The following DPP4 variants were observed in gnomAD, a reference collection of about 807,000 sequenced individuals.
DPP4 encodes the protein ADCP-2.
A neutral mutation model predicts 122.4 loss-of-function variants in DPP4; 93 were observed. The observed-to-expected ratio is 0.76, with a 90% CI of 0.64 to 0.90. The LOEUF (loss-of-function observed/expected upper bound fraction) is 0.90, where lower values mean the gene tolerates loss of function less well. Among genes scored for constraint, DPP4 ranks in the 40% least tolerant of loss-of-function variants. The pLI is 0.00. For synonymous variants in DPP4, 321 were observed against 302.9 expected (o/e 1.06, Z -0.62); for missense variants, 914 against 907.3 (o/e 1.01, Z -0.09).
At chr2:162,045,238 C>G (rs924271912) in intron 5 of DPP4, among the ~76,000 whole-genome samples, 2 of 152,044 alleles carry the variant, frequency 1.3e-5, no homozygotes, top group African/African-American at 4.8e-5. Flanking sequence ...TGTAAACTTA[C>G]TTTTAAATAT....
At chr2:162,060,532 G>A (rs1212953479) in intron 2 of DPP4, among the ~76,000 whole-genome samples, 1 of 151,898 alleles carries the variant, frequency 6.6e-6, no homozygotes, top group Admixed American at 6.5e-5. Flanking sequence ...CTTTTTTCAT[G>A]TTCTCTAGAT....
chr2:162,021,495 T>A (rs900798592), intron 12 of DPP4: 1 of 152,224 alleles, frequency 6.6e-6, no homozygotes, highest in African/African-American at 2.4e-5. Context: ...TTTAAAATTG[T>A]TGGTTCACTT....
intron 25 of DPP4, 33 bp downstream of exon 25, chr2:161,994,928 A>G (rs1046511281): frequency 3.8e-6 from 6 of 1,595,648 alleles, no homozygotes; most frequent in Non-Finnish European, 5.2e-6. Flanking sequence ...CCCACCAGCA[A>G]CTTCCCTCCC....
chr2:162,031,906 G>A (rs2106115577), intron 10 of DPP4: 1 of 152,268 alleles, frequency 6.6e-6, no homozygotes, highest in Middle Eastern at 3.4e-3. Flanking sequence ...GGCAGACTTT[G>A]AAACCTTTGG....
rs759691756 is a variant in DPP4 at position 162,005,824 on chromosome 2, A to G, written c.1988-15T>C. On this transcript the variant is annotated splice_polypyrimidine_tract_variant and intron_variant, in intron 22 of 25. Transcript: ENST00000360534. ...GTACACTGAGTCTGTGAAAGAAAAA[A>G]AAATAAAAAAAAGTTTAATTCATAC... 2 of 1,606,222 alleles carry G rather than the reference A, an allele frequency of 1.2e-6. No individual in the cohort carries two copies. The highest frequency in any genetic ancestry group is 1.7e-6 in the Non-Finnish European group (2 of 1,176,940).
Position 162,022,741 on chromosome 2 carries a change from C to T in DPP4, c.1068+14G>A, listed in dbSNP as rs1468930626. 1 of 1,613,924 alleles carries T rather than the reference C, an allele frequency of 6.2e-7. No homozygotes were observed. Among genetic ancestry groups the T allele is most frequent in the Non-Finnish European group, 8.5e-7 (1 of 1,179,922 alleles). The stretch of plus-strand genomic sequence containing the variant: ...CTGACTCATCCATAAAACCCCACAA[C>T]TTATAACACTTACTCTTCCAACCCA... On this transcript the variant is annotated intron_variant, in intron 12 of 25. Coordinates refer to ENST00000360534, the MANE Select transcript of DPP4 (RefSeq NM_001935.4).
chr2:162,016,786 T>A lies in DPP4; in HGVS notation c.1549A>T (p.Ile517Phe). Residue 517 changes from isoleucine (I) to phenylalanine (F), a missense_variant, in exon 18 of 26, where the codon ATT becomes TTT. By Grantham distance (21) the Ile-to-Phe change is conservative. Transcript: ENST00000360534. ...AACTTACTTGTTTCATTCAAAATAA[T>A]GAAGTCCAGTTTTTTGGAGGGCATC... ...VQMPSKKLDF[I>F]ILNETKFWYQ... 2 of 1,612,296 alleles carry A rather than the reference T, an allele frequency of 1.2e-6. No individual in the cohort carries two copies. Among genetic ancestry groups the A allele is most frequent in the Non-Finnish European group, 1.7e-6 (2 of 1,179,496 alleles).
At chr2:162,047,284 C>T (rs115905739) in intron 3 of DPP4, 119 bp downstream of exon 3, 8,975 of 549,420 alleles carry the variant, frequency 0.016, 176 homozygotes, top group South Asian at 0.069. Flanking sequence ...AAAAAAAAAA[C>T]TCTCTATAGA....
chr2:162,071,374 T>C (rs543899773), intron 2 of DPP4, among the ~76,000 whole-genome samples: 1 of 152,314 alleles, frequency 6.6e-6, no homozygotes, highest in South Asian at 2.1e-4. Flanking sequence ...CCGGGTGCAG[T>C]GGCTTACACC....
chr2:162,030,546 G>C (rs1326542390), intron 10 of DPP4, among the ~76,000 whole-genome samples: 1 of 152,162 alleles, frequency 6.6e-6, no homozygotes, highest in Admixed American at 6.5e-5. Context: ...AAATCACCAG[G>C]TAACAGGCTG....
At chr2:161,994,901 G>T in intron 25 of DPP4, 60 bp downstream of exon 25, 1 of 1,512,196 alleles carries the variant, frequency 6.6e-7, no homozygotes, top group South Asian at 1.1e-5. Flanking sequence ...AATTAGCCCA[G>T]AAAGAGGAAA....
intron 5 of DPP4, among the ~76,000 whole-genome samples, chr2:162,041,425 A>T (rs1683982485): frequency 6.6e-6 from 1 of 152,170 alleles, no homozygotes; most frequent in African/African-American, 2.4e-5. Context: ...GATGAGACGG[A>T]TGAAATAGGT....
chr2:162,022,322 G>C (rs1301386352), intron 12 of DPP4, among the ~76,000 whole-genome samples: 2 of 152,242 alleles, frequency 1.3e-5, no homozygotes, highest in African/African-American at 2.4e-5. Flanking sequence ...AGTGGGCACT[G>C]TGTGGTTGCT....
intron 5 of DPP4, 124 bp from the exon 6 acceptor site, chr2:162,039,308 T>G: frequency 1.2e-6 from 1 of 846,796 alleles, no homozygotes; most frequent in South Asian, 1.7e-5. Flanking sequence ...TTATCATATC[T>G]TATAATTTCC....
At chr2:162,066,243 T>C (rs1684943052) in intron 2 of DPP4, among the ~76,000 whole-genome samples, 1 of 152,008 alleles carries the variant, frequency 6.6e-6, no homozygotes. Flanking sequence ...AAATACATCC[T>C]GCGTTTCTTT....
At chr2:162,073,375 C>CTTT (rs1477794890) in intron 2 of DPP4, 24 bp downstream of exon 2, 1 of 1,613,156 alleles carries the variant, frequency 6.2e-7, no homozygotes. Context: ...ACTGTCCTAT[C>CTTT]TTTTTCAAAT....
At chr2:162,041,416 A>G (rs1412457185) in intron 5 of DPP4, among the ~76,000 whole-genome samples, 2 of 152,168 alleles carry the variant, frequency 1.3e-5, no homozygotes, top group Non-Finnish European at 2.9e-5. Context: ...ATCAATGAGG[A>G]TGAGACGGAT....
In DPP4 at chr2:162,020,700, T is replaced by A; in HGVS notation, c.1069-12A>T. 1.3e-6 allele frequency: 2 copies of A among 1,587,672 alleles called. No individual in the cohort carries two copies. The highest frequency in any genetic ancestry group is 2.3e-5 in the South Asian group (2 of 87,532). On this transcript the variant is annotated splice_polypyrimidine_tract_variant and intron_variant, in intron 12 of 25. Coordinates refer to ENST00000360534, the MANE Select transcript of DPP4 (RefSeq NM_001935.4). ...TCTGAAGGCCTAAACTAGAAAATAA[T>A]AGAGAACAAAAGAACATTAAAGCAC... is the stretch of plus-strand genomic sequence containing the variant.
intron 18 of DPP4, among the ~76,000 whole-genome samples, chr2:162,014,671 A>G (rs2086634927): frequency 6.6e-6 from 1 of 152,226 alleles, no homozygotes; most frequent in South Asian, 2.1e-4. Flanking sequence ...ATGTTAAAAC[A>G]TAAAGTTGTT....
Sources: allele counts gnomAD v4.1 joint callset (sites outside exome capture counted in the v4.1 genomes callset), GRCh38; gene constraint gnomAD v4.1.1; transcripts MANE v1.5; gene names NCBI Gene and HGNC (gene_info 2026-07-23, HGNC 2026-07-21).